GPR158: variants seen among roughly 807,000 people sequenced by gnomAD.
The protein encoded by GPR158 is G protein-coupled receptor 158.
Under a neutral mutation model 78.2 loss-of-function variants are expected in GPR158, and 30 were observed. That is an observed-to-expected ratio of 0.38 (90% CI 0.29 to 0.52). The LOEUF (loss-of-function observed/expected upper bound fraction) is 0.52, where lower values mean the gene tolerates loss of function less well. Ranked by LOEUF, GPR158 falls within the 20% of genes least tolerant of loss-of-function variation. The pLI is 0.83. For synonymous variants in GPR158, 581 were observed against 591.1 expected, an observed-to-expected ratio of 0.98 and a Z score of 0.25; for missense variants, 1,463 against 1,523.5, an observed-to-expected ratio of 0.96 and a Z score of 0.66.
chr10:25,409,449 C>T (rs1416398031), intron 3 of GPR158, among the ~76,000 whole-genome samples: 1 of 152,182 alleles, frequency 6.6e-6, no homozygotes, highest in African/African-American at 2.4e-5. Flanking sequence ...AAAAGGCCTT[C>T]TTCACTCTCA....
intron 2 of GPR158, among the ~76,000 whole-genome samples, chr10:25,352,277 C>G (rs12778704): frequency 0.056 from 8,463 of 152,022 alleles, 515 homozygotes; most frequent in African/African-American, 0.15. Flanking sequence ...AAAAACTAAC[C>G]CTGTGAGCTT....
intron 2 of GPR158, among the ~76,000 whole-genome samples, chr10:25,260,894 G>A (rs2130733281): frequency 6.6e-6 from 1 of 152,152 alleles, no homozygotes; most frequent in Non-Finnish European, 1.5e-5. Flanking sequence ...GATGAGGAAG[G>A]CATAAGAAAA....
intron 2 of GPR158, among the ~76,000 whole-genome samples, chr10:25,347,209 T>A (rs941139138): frequency 1.3e-5 from 2 of 151,956 alleles, no homozygotes; most frequent in African/African-American, 4.8e-5. Context: ...TTGTCTGTTC[T>A]AGCTTCTGGA....
intron 5 of GPR158, among the ~76,000 whole-genome samples, chr10:25,501,196 G>A (rs954301113): frequency 6.6e-6 from 1 of 152,066 alleles, no homozygotes; most frequent in Non-Finnish European, 1.5e-5. Flanking sequence ...GAGAGTTGCC[G>A]GGAGTGGGAT....
chr10:25,400,971 A>C, intron 3 of GPR158, among the ~76,000 whole-genome samples: 2 of 152,322 alleles, frequency 1.3e-5, no homozygotes, highest in Middle Eastern at 6.8e-3. Context: ...TGGAAGAAAA[A>C]GAAGGGAAGC....
intron 5 of GPR158, among the ~76,000 whole-genome samples, chr10:25,494,874 TTTTA>T (rs746208330): frequency 9.2e-5 from 14 of 152,186 alleles, no homozygotes; most frequent in Admixed American, 4.6e-4. Flanking sequence ...TAAGAGTAAG[TTTTA>T]TTTGTCATTT....
Position 25,599,313 on chromosome 10 carries a change from T to C in GPR158, c.*39T>C, listed in dbSNP as rs375709597. 12 of 1,419,836 alleles carry C rather than the reference T, an allele frequency of 8.5e-6. No individual in the cohort carries two copies. Among genetic ancestry groups the C allele is most frequent in the South Asian group, 1.2e-5 (1 of 82,758 alleles). The allele number at this position is 1,419,836 out of a possible 1,614,324, so 88.0% of individuals were successfully genotyped here. A position where few individuals can be genotyped will look rare whatever the true frequency, so the allele number is the denominator to read the frequency against. On this transcript the variant is annotated 3_prime_UTR_variant, in exon 11 of 11. Transcript: ENST00000376351. Reference sequence around the variant, plus strand: ...AAGAGGAAAAGGAGGGAACCCCGGATTGGATATGAGACAGAAGATATAAGA... The same window carrying C: ...AAGAGGAAAAGGAGGGAACCCCGGACTGGATATGAGACAGAAGATATAAGA...
intron 1 of GPR158, among the ~76,000 whole-genome samples, chr10:25,205,364 T>C (rs930017186): frequency 3.2e-4 from 49 of 152,008 alleles, no homozygotes; most frequent in African/African-American, 1.2e-3. Flanking sequence ...TTTTGAATAG[T>C]TTTTCATGTC....
At chr10:25,461,864 T>C (rs1260897852) in intron 4 of GPR158, among the ~76,000 whole-genome samples, 1 of 151,698 alleles carries the variant, frequency 6.6e-6, no homozygotes, top group Non-Finnish European at 1.5e-5. Flanking sequence ...CCCGAGTAGC[T>C]AGGACTACAG....
At chr10:25,395,278 T>A (rs193287957) in intron 2 of GPR158, among the ~76,000 whole-genome samples, 2 of 152,306 alleles carry the variant, frequency 1.3e-5, no homozygotes, top group Admixed American at 1.3e-4. Context: ...CTTCCTTATA[T>A]GTATATGTAA....
At chr10:25,557,819 A>G (rs1836804765) in intron 6 of GPR158, among the ~76,000 whole-genome samples, 1 of 152,240 alleles carries the variant, frequency 6.6e-6, no homozygotes, top group African/African-American at 2.4e-5. Context: ...TTGAATAAAA[A>G]TAGAAATAAA....
intron 4 of GPR158, among the ~76,000 whole-genome samples, chr10:25,424,864 C>T (rs907948086): frequency 5.3e-5 from 8 of 152,092 alleles, no homozygotes; most frequent in South Asian, 2.1e-4. Context: ...CTTGGCAATG[C>T]GGGCTCTTTT....
chr10:25,301,120 C>G (rs138123766), intron 2 of GPR158, among the ~76,000 whole-genome samples: 1 of 152,106 alleles, frequency 6.6e-6, no homozygotes, highest in Non-Finnish European at 1.5e-5. Context: ...CATTCTTAAT[C>G]CCTTCAAAAT....
intron 6 of GPR158, among the ~76,000 whole-genome samples, chr10:25,557,252 C>A (rs1297047520): frequency 2.0e-5 from 3 of 152,140 alleles, no homozygotes; most frequent in Non-Finnish European, 2.9e-5. Flanking sequence ...CATTCATATG[C>A]TTGGAAGCAC....
chr10:25,447,596 G>C (rs978887336), intron 4 of GPR158, among the ~76,000 whole-genome samples: 4 of 152,144 alleles, frequency 2.6e-5, no homozygotes, highest in African/African-American at 9.7e-5. Context: ...TTAAATGTGA[G>C]CTAATAAAAT....
intron 4 of GPR158, among the ~76,000 whole-genome samples, chr10:25,424,792 TAG>T (rs1834796633): frequency 1.3e-5 from 2 of 152,328 alleles, no homozygotes; most frequent in Admixed American, 6.5e-5. Context: ...TGTAGCCTTG[TAG>T]AATACTTTGA....
At chr10:25,223,920 T>G (rs1853336501) in intron 2 of GPR158, among the ~76,000 whole-genome samples, 1 of 152,208 alleles carries the variant, frequency 6.6e-6, no homozygotes, top group Non-Finnish European at 1.5e-5. Context: ...GTAAAAATTT[T>G]TCTAGCGATG....
intron 5 of GPR158, among the ~76,000 whole-genome samples, chr10:25,533,148 G>A (rs1263974340): frequency 2.0e-5 from 3 of 152,130 alleles, no homozygotes; most frequent in Non-Finnish European, 2.9e-5. Context: ...TGTTTATGTA[G>A]GGCAGTTTTC....
chr10:25,591,908 A>G (rs1837345717), intron 8 of GPR158, among the ~76,000 whole-genome samples: 1 of 152,076 alleles, frequency 6.6e-6, no homozygotes, highest in African/African-American at 2.4e-5. Flanking sequence ...TTTTGGGGGA[A>G]TTGATAGGGA....
Sources: allele counts gnomAD v4.1 joint callset (sites outside exome capture counted in the v4.1 genomes callset), GRCh38; gene constraint gnomAD v4.1.1; transcripts MANE v1.5; gene names NCBI Gene and HGNC (gene_info 2026-07-23, HGNC 2026-07-21).